Variants in PDE8B observed in about 807,000 individuals in gnomAD.
PDE8B encodes high affinity cAMP-specific and IBMX-insensitive 3',5'-cyclic phosphodiesterase 8B.
In PDE8B, 26 loss-of-function variants were observed where a neutral mutation model predicts 101.3. The observed-to-expected ratio is 0.26, with a 90% CI of 0.19 to 0.36. The LOEUF (loss-of-function observed/expected upper bound fraction) is 0.36, where lower values mean the gene tolerates loss of function less well. Ranked by LOEUF, PDE8B falls within the 10% of genes least tolerant of loss-of-function variation. PDE8B has a pLI of 1.00. For missense variants in PDE8B, 810 were observed against 1,163.1 expected (o/e 0.70, Z 4.42); for synonymous variants, 424 against 429.3 (o/e 0.99, Z 0.15).
At chr5:77,327,861 C>T (rs957459298) in intron 3 of PDE8B, among the ~76,000 whole-genome samples, 1 of 152,106 alleles carries the variant, frequency 6.6e-6, no homozygotes, top group African/African-American at 2.4e-5. Context: ...CGATCATTTC[C>T]GGGAGCCTTC....
At chr5:77,264,984 G>C (rs1419984949) in intron 1 of PDE8B, among the ~76,000 whole-genome samples, 2 of 152,140 alleles carry the variant, frequency 1.3e-5, no homozygotes, top group African/African-American at 4.8e-5. Context: ...CCTCAACTGA[G>C]CTGCTTGTGC....
chr5:77,291,643 C>G, intron 1 of PDE8B: 1 of 1,596,600 alleles, frequency 6.3e-7, no homozygotes, highest in Non-Finnish European at 8.6e-7. Flanking sequence ...AACATTCCAA[C>G]AAGTGGGGCT....
the PDE8B span, among the ~76,000 whole-genome samples, chr5:77,162,158 A>C: frequency 6.6e-6 from 1 of 152,020 alleles, no homozygotes. Context: ...GAAAATAAAA[A>C]TTTTTAAATG....
At chr5:77,400,351 A>G in intron 11 of PDE8B, 61 bp downstream of exon 11, 1 of 1,065,140 alleles carries the variant, frequency 9.4e-7, no homozygotes, top group Non-Finnish European at 1.5e-6. Context: ...TCAAATGTAT[A>G]CATTTCTCTG....
Position 77,344,784 on chromosome 5 carries a change from G to C in PDE8B, c.798-69G>C, listed in dbSNP as rs368515727. 1.3e-5 allele frequency: 13 copies of C among 1,018,206 alleles called. No individual in the cohort carries two copies. In the African/African-American group the frequency reaches 2.0e-4, roughly 16 times the overall value. 63.1% of individuals were successfully genotyped at this position (1,018,206 alleles called of 1,614,324 possible). A position where few individuals can be genotyped will look rare whatever the true frequency, so the allele number is the denominator to read the frequency against. On this transcript the variant is annotated intron_variant, in intron 6 of 21. Transcript: ENST00000264917. ...GATGAACCTGGTATCTGTTTACTTT[G>C]TTAAATTAACAGATGAAATGTGAAT...
At chr5:77,255,458 G>T (rs187361321) in intron 1 of PDE8B, among the ~76,000 whole-genome samples, 26 of 152,254 alleles carry the variant, frequency 1.7e-4, no homozygotes, top group African/African-American at 4.8e-4. Flanking sequence ...TTTAGTATTT[G>T]AATTTGTGTT....
At chr5:77,299,900 G>T (rs201244890) in intron 1 of PDE8B, among the ~76,000 whole-genome samples, 1 of 152,162 alleles carries the variant, frequency 6.6e-6, no homozygotes. Flanking sequence ...CAGTGTAAAA[G>T]TGGAACATGA....
chr5:77,284,686 A>C (rs1765651859), intron 1 of PDE8B, among the ~76,000 whole-genome samples: 2 of 152,192 alleles, frequency 1.3e-5, no homozygotes, highest in Non-Finnish European at 2.9e-5. Flanking sequence ...ACCATAGGGT[A>C]ATGTTGCCTG....
chr5:77,360,338 C>T (rs11739402), intron 10 of PDE8B, among the ~76,000 whole-genome samples: 28,485 of 152,058 alleles, frequency 0.19, 3,322 homozygotes, highest in Middle Eastern at 0.32. Context: ...CTGCTCACTC[C>T]GGAGGCTTGT....
chr5:77,425,859 T>G lies in PDE8B; in HGVS notation c.2511T>G (p.Ile837Met). Residue 837 changes from isoleucine to methionine, a missense_variant, in exon 21 of 22, where the codon ATT becomes ATG. Coordinates refer to ENST00000264917, the MANE Select transcript of PDE8B (RefSeq NM_003719.5). The part of the protein sequence containing the change: ...CSIPKSQISF[I>M]DYFITDMFDA... ...TCCCCAAGTCTCAGATCTCTTTCATTGACTACTTCATAACAGACATGTTTG... is the reference window on the plus strand; with the variant it reads ...TCCCCAAGTCTCAGATCTCTTTCATGGACTACTTCATAACAGACATGTTTG... 1.2e-6 allele frequency: 2 copies of G among 1,613,726 alleles called. No individual in the cohort carries two copies. Among genetic ancestry groups the G allele is most frequent in the Non-Finnish European group, 1.7e-6 (2 of 1,179,606 alleles).
At chr5:77,334,531 G>A (rs902029501) in intron 5 of PDE8B, among the ~76,000 whole-genome samples, 2 of 152,118 alleles carry the variant, frequency 1.3e-5, no homozygotes, top group Non-Finnish European at 1.5e-5. Flanking sequence ...TAGGCATGCC[G>A]GGGGCACAAC....
chr5:77,233,901 G>GT (rs1436346615), intron 1 of PDE8B, among the ~76,000 whole-genome samples: 1 of 151,726 alleles, frequency 6.6e-6, no homozygotes, highest in Non-Finnish European at 1.5e-5. Context: ...TCACTGACTG[G>GT]TGTTTACGGC....
rs1296388640 is a variant in PDE8B at position 77,407,284 on chromosome 5, G to A, written c.1289-97G>A. ...GCTTTTTAGGTGGGAGGGTGGCCCT[G>A]TGAGAAGCGGGCCCTGGTCCATGAA... On this transcript the variant is annotated intron_variant, in intron 12 of 21. Coordinates refer to ENST00000264917, the MANE Select transcript of PDE8B (RefSeq NM_003719.5). 9 of 894,442 alleles carry A rather than the reference G, an allele frequency of 1.0e-5. No homozygotes were observed. The Admixed American group carries it at 1.4e-4, about 14-fold the overall frequency. The allele number at this position is 894,442 out of a possible 1,614,324, so 55.4% of individuals were successfully genotyped here. A position where few individuals can be genotyped will look rare whatever the true frequency, so the allele number is the denominator to read the frequency against.
intron 1 of PDE8B, among the ~76,000 whole-genome samples, chr5:77,260,006 A>G (rs1760137133): frequency 2.6e-5 from 4 of 152,120 alleles, no homozygotes; most frequent in Admixed American, 2.6e-4. Flanking sequence ...TACTAAAAAT[A>G]CAAAAAGATT....
intron 1 of PDE8B, among the ~76,000 whole-genome samples, chr5:77,264,030 A>G (rs1761164048): frequency 6.6e-6 from 1 of 152,216 alleles, no homozygotes; most frequent in Non-Finnish European, 1.5e-5. Context: ...AAATGAACTC[A>G]TGCAGTACGT....
chr5:77,104,316 A>G, the PDE8B span, among the ~76,000 whole-genome samples: 5 of 152,186 alleles, frequency 3.3e-5, no homozygotes, highest in Non-Finnish European at 5.9e-5. Context: ...CAGTGTGACA[A>G]TGGGCAGTGC....
At chr5:77,260,809 G>T (rs1670769468) in intron 1 of PDE8B, among the ~76,000 whole-genome samples, 2 of 151,934 alleles carry the variant, frequency 1.3e-5, no homozygotes, top group South Asian at 2.1e-4. Flanking sequence ...GGCCAGGCTG[G>T]TCTTGAACTC....
the PDE8B span, among the ~76,000 whole-genome samples, chr5:77,171,987 TC>T: frequency 6.6e-6 from 1 of 152,164 alleles, no homozygotes; most frequent in African/African-American, 2.4e-5. Context: ...CACAATCCTT[TC>T]TAGCTTTAAT....
In PDE8B at chr5:77,422,357, C is replaced by T. The variant is rs1438209140; in HGVS notation, c.2418+369C>T. ...AACACAGGCATTAGTGAAGACATCG[C>T]GGCCACGGGGAGTTCCAGTCCAATA... On this transcript the variant is annotated intron_variant, in intron 20 of 21. Transcript: ENST00000264917. 5.6e-4 allele frequency among the ~76,000 whole-genome samples: 85 copies of T among 152,106 alleles called. 1 individual carries two copies. Among genetic ancestry groups the T allele is most frequent in the Non-Finnish European group, 4.4e-5 (3 of 68,036 alleles).
Sources: allele counts gnomAD v4.1 joint callset (sites outside exome capture counted in the v4.1 genomes callset), GRCh38; gene constraint gnomAD v4.1.1; transcripts MANE v1.5; gene names NCBI Gene and HGNC (gene_info 2026-07-23, HGNC 2026-07-21).